The following ANKDD1A variants were observed in gnomAD, a reference collection of about 807,000 sequenced individuals.
ANKDD1A encodes ankyrin repeat and death domain-containing protein 1A.
ANKDD1A carries 59 observed loss-of-function variants against 63.5 expected under a neutral mutation model. The ratio of observed to expected loss-of-function variants is 0.93; its 90% CI spans 0.75 to 1.15. The LOEUF (loss-of-function observed/expected upper bound fraction) is 1.15, where lower values mean the gene tolerates loss of function less well. Among genes scored for constraint, ANKDD1A ranks in the 50% most tolerant of loss-of-function variants. The pLI is 0.00. For missense variants in ANKDD1A, 632 were observed against 656.4 expected, an observed-to-expected ratio of 0.96 and a Z score of 0.41; for synonymous variants, 266 against 263.9, an observed-to-expected ratio of 1.01 and a Z score of -0.08.
At chr15:64,926,401 T>C (rs1303581989) in intron 5 of ANKDD1A, among the ~76,000 whole-genome samples, 1 of 151,792 alleles carries the variant, frequency 6.6e-6, no homozygotes, top group Non-Finnish European at 1.5e-5. Context: ...ACTAGGTGGG[T>C]TAGAAAAGCA....
At chr15:64,948,223 G>A (rs2085239243) in intron 13 of ANKDD1A, among the ~76,000 whole-genome samples, 2 of 152,080 alleles carry the variant, frequency 1.3e-5, no homozygotes. Flanking sequence ...AAACCTAAAA[G>A]ACAAATACAG....
chr15:64,952,338 C>CTTT (rs2085304948), intron 14 of ANKDD1A, among the ~76,000 whole-genome samples: 1 of 2,708 alleles, frequency 3.7e-4, no homozygotes. Context: ...CTTCCTTCTC[C>CTTT]TTCTTCTTAG....
chr15:64,937,100 T>C (rs995436563), intron 9 of ANKDD1A, among the ~76,000 whole-genome samples: 33 of 152,054 alleles, frequency 2.2e-4, no homozygotes, highest in African/African-American at 7.7e-4. Context: ...CTGGAAGGAG[T>C]AGAAGTTGGT....
At chr15:64,931,956 C>T (rs2085094665) in intron 8 of ANKDD1A, 3 of 317,440 alleles carry the variant, frequency 9.5e-6, no homozygotes, top group South Asian at 1.6e-4. Context: ...TGCAATGGTG[C>T]GATCTTGGCT....
chr15:64,935,034 G>T (rs2085117801), intron 9 of ANKDD1A, among the ~76,000 whole-genome samples: 3 of 151,636 alleles, frequency 2.0e-5, no homozygotes, highest in African/African-American at 7.3e-5. Flanking sequence ...AGACCAGCCT[G>T]GGTAACCCAG....
intron 3 of ANKDD1A, among the ~76,000 whole-genome samples, chr15:64,921,127 C>T (rs900278253): frequency 4.0e-5 from 6 of 151,750 alleles, no homozygotes; most frequent in Non-Finnish European, 4.4e-5. Context: ...TGTGCCTCCA[C>T]GCCTGGCTTA....
chr15:64,934,248 G>A lies in ANKDD1A; in HGVS notation c.867+14G>A, dbSNP rs760491906. On this transcript the variant is annotated intron_variant, in intron 9 of 14. Coordinates refer to ENST00000319580, the MANE Select transcript of ANKDD1A (RefSeq NM_182703.6). ...GTGGTTGATCATGTAAGTATGGTGCGAGTGTTGAAGGGGGTCTCCATTGCA... is the reference window on the plus strand; with the variant it reads ...GTGGTTGATCATGTAAGTATGGTGCAAGTGTTGAAGGGGGTCTCCATTGCA... 73 of 1,606,054 alleles carry A rather than the reference G, an allele frequency of 4.5e-5. No individual in the cohort carries two copies. The highest frequency in any genetic ancestry group is 2.1e-4 in the South Asian group (19 of 89,542).
chr15:64,921,064 G>C (rs946308568), intron 3 of ANKDD1A, among the ~76,000 whole-genome samples: 1 of 151,764 alleles, frequency 6.6e-6, no homozygotes, highest in Non-Finnish European at 1.5e-5. Context: ...TCTACCTCCT[G>C]GGCTCAAGTG....
intron 1 of ANKDD1A, 100 bp downstream of exon 1, chr15:64,912,064 G>A: frequency 8.7e-7 from 1 of 1,150,396 alleles, no homozygotes. Context: ...CCTCCGAACG[G>A]CCACCTCCGT....
At chr15:64,940,997 C>T (rs1431940269) in intron 9 of ANKDD1A, among the ~76,000 whole-genome samples, 1 of 152,188 alleles carries the variant, frequency 6.6e-6, no homozygotes, top group Non-Finnish European at 1.5e-5. Flanking sequence ...CCCACCTTAG[C>T]CTCCCAAAGT....
intron 12 of ANKDD1A, among the ~76,000 whole-genome samples, chr15:64,945,636 T>TC (rs1401025400): frequency 3.8e-3 from 1 of 264 alleles, no homozygotes; most frequent in East Asian, 0.062. Flanking sequence ...ATATATGAAC[T>TC]TTTTTTTTTT....
chr15:64,951,720 C>CGT (rs1276132353), intron 14 of ANKDD1A, among the ~76,000 whole-genome samples: 2 of 136,252 alleles, frequency 1.5e-5, no homozygotes, highest in Admixed American at 7.6e-5. Flanking sequence ...TCTTTTTCTT[C>CGT]CCTTTTCTTC....
intron 13 of ANKDD1A, among the ~76,000 whole-genome samples, chr15:64,948,718 C>T (rs1231779284): frequency 3.3e-5 from 5 of 151,730 alleles, no homozygotes; most frequent in African/African-American, 4.8e-5. Flanking sequence ...CCCAGCTGCT[C>T]GACAGGCTGA....
chr15:64,921,966 C>G lies in ANKDD1A; in HGVS notation c.313C>G (p.Arg105Gly), dbSNP rs138202030. ...LLLSAWFGHL[R>G]ILQILVNSGA... The stretch of plus-strand genomic sequence containing the variant: ...CCTGTCTGCCTGGTTCGGCCACTTA[C>G]GAATCCTCCAGATCTTGGTAAACTC... Residue 105 changes from arginine to glycine, a missense_variant, in exon 4 of 15, where the codon CGA (arginine) becomes GGA (glycine). By Grantham distance (125) the Arg-to-Gly change is moderately radical. Transcript: ENST00000319580. The G allele has an allele frequency of 1.0e-4, 167 of 1,614,160 alleles. No individual in the cohort carries two copies. The South Asian group carries it at 1.7e-3, about 16-fold the overall frequency.
chr15:64,941,544 C>G (rs2085184843), intron 9 of ANKDD1A, among the ~76,000 whole-genome samples: 1 of 152,160 alleles, frequency 6.6e-6, no homozygotes, highest in Admixed American at 6.5e-5. Flanking sequence ...ATCTTCTTTT[C>G]TAATATTGAT....
chr15:64,939,924 G>A (rs1043445567), intron 9 of ANKDD1A, among the ~76,000 whole-genome samples: 6 of 151,904 alleles, frequency 3.9e-5, no homozygotes, highest in Non-Finnish European at 8.8e-5. Flanking sequence ...TTGGATCTAG[G>A]GTTAGGCCAA....
At chr15:64,952,032 CTTCT>C (rs1219304214) in intron 14 of ANKDD1A, among the ~76,000 whole-genome samples, 1 of 141,904 alleles carries the variant, frequency 7.0e-6, no homozygotes, top group Non-Finnish European at 1.5e-5. Context: ...TCTTTTTCTT[CTTCT>C]TTCCTCTTCT....
rs766155247 is a variant in ANKDD1A, at chr15:64,951,370, CTTCT to C, written c.1483+1405_1483+1408del. On this transcript the variant is annotated intron_variant, in intron 14 of 14. Transcript: ENST00000319580. The stretch of plus-strand genomic sequence containing the variant: ...TTCCTCTTCTTTCTTCTTCCTCTTT[CTTCT>C]TTCTTTTTCTTTTCTTCTTCCTCTT... The C allele has an allele frequency of 3.7e-3, 1,825 of 497,510 alleles. 12 individuals carry two copies. The highest frequency in any genetic ancestry group is 7.6e-3 in the African/African-American group (316 of 41,734). The allele number at this position is 497,510 out of a possible 1,614,324, so 30.8% of individuals were successfully genotyped here. A position where few individuals can be genotyped will look rare whatever the true frequency, so the allele number is the denominator to read the frequency against.
At chr15:64,954,918 TCTC>T (rs1482290326) in intron 14 of ANKDD1A, among the ~76,000 whole-genome samples, 6 of 29,016 alleles carry the variant, frequency 2.1e-4, no homozygotes, top group Non-Finnish European at 9.8e-4. Context: ...GTCTCTTCTC[TCTC>T]CTTCTTCTCC....
Sources: allele counts gnomAD v4.1 joint callset (sites outside exome capture counted in the v4.1 genomes callset), GRCh38; gene constraint gnomAD v4.1.1; transcripts MANE v1.5; gene names NCBI Gene and HGNC (gene_info 2026-07-23, HGNC 2026-07-21).